RPS6KC1: variants seen among roughly 807,000 people sequenced by gnomAD.
The protein encoded by RPS6KC1 is inactive ribosomal protein S6 kinase delta-1.
RPS6KC1 carries 54 observed loss-of-function variants against 103.8 expected under a neutral mutation model. The observed-to-expected ratio is 0.52, with a 90% CI of 0.42 to 0.65. RPS6KC1 has a LOEUF of 0.65. Ranked by LOEUF, RPS6KC1 falls within the 30% of genes least tolerant of loss-of-function variation. RPS6KC1 has a pLI of 0.00. For missense variants in RPS6KC1, 1,151 were observed against 1,253.8 expected, an observed-to-expected ratio of 0.92 and a Z score of 1.24; for synonymous variants, 439 against 438.7, an observed-to-expected ratio of 1.00 and a Z score of -0.01.
At chr1:213,708,016 G>A in the RPS6KC1 span, among the ~76,000 whole-genome samples, 1 of 152,158 alleles carries the variant, frequency 6.6e-6, no homozygotes, top group Admixed American at 6.5e-5. Context: ...CATTGCCTTG[G>A]CTATACTGGC....
chr1:213,152,733 G>A (rs370439433), intron 6 of RPS6KC1, among the ~76,000 whole-genome samples: 4 of 151,842 alleles, frequency 2.6e-5, no homozygotes, highest in Non-Finnish European at 5.9e-5. Context: ...GCGGCCGGGC[G>A]GAGACGCTCC....
At chr1:213,118,038 A>AAAAAAAAAAAAAAAAAAAAAAAAAC (rs1558354181) in intron 5 of RPS6KC1, among the ~76,000 whole-genome samples, 1 of 149,158 alleles carries the variant, frequency 6.7e-6, no homozygotes, top group Non-Finnish European at 1.5e-5. Context: ...AAAAAAAAAA[A>AAAAAAAAAAAAAAAAAAAAAAAAAC]AGCCTTACTC....
the RPS6KC1 span, among the ~76,000 whole-genome samples, chr1:213,699,968 GT>G: frequency 6.6e-6 from 1 of 152,002 alleles, no homozygotes; most frequent in Non-Finnish European, 1.5e-5. Context: ...CAGATGAGTA[GT>G]TTGCAAATAT....
At chr1:213,208,651 C>T (rs2093421411) in intron 8 of RPS6KC1, among the ~76,000 whole-genome samples, 1 of 152,070 alleles carries the variant, frequency 6.6e-6, no homozygotes, top group Non-Finnish European at 1.5e-5. Flanking sequence ...TTAAGACCAG[C>T]ATCATTGTGG....
At chr1:213,396,277 T>C in the RPS6KC1 span, among the ~76,000 whole-genome samples, 3 of 152,144 alleles carry the variant, frequency 2.0e-5, no homozygotes, top group Admixed American at 1.3e-4. Flanking sequence ...TTAAATGAGA[T>C]AATGATGCCA....
chr1:213,680,660 C>T, the RPS6KC1 span, among the ~76,000 whole-genome samples: 3 of 151,844 alleles, frequency 2.0e-5, no homozygotes, highest in Non-Finnish European at 2.9e-5. Flanking sequence ...TCTTGGGGCT[C>T]GGGAGGGGGA....
the RPS6KC1 span, among the ~76,000 whole-genome samples, chr1:213,664,146 G>T: frequency 6.7e-6 from 1 of 150,138 alleles, no homozygotes; most frequent in African/African-American, 2.4e-5. Flanking sequence ...CTGATTGCTG[G>T]GTGATGTGGG....
intron 6 of RPS6KC1, among the ~76,000 whole-genome samples, chr1:213,152,123 G>C (rs1312245377): frequency 3.7e-5 from 5 of 135,208 alleles, no homozygotes; most frequent in African/African-American, 5.7e-5. Flanking sequence ...TTCCCAGTAG[G>C]GGCGGCCGGG....
chr1:213,634,647 C>A, the RPS6KC1 span, among the ~76,000 whole-genome samples: 2 of 152,014 alleles, frequency 1.3e-5, no homozygotes, highest in Non-Finnish European at 2.9e-5. Flanking sequence ...AAAATCAACA[C>A]CCTAACATCA....
chr1:213,085,133 A>C (rs899464061), intron 3 of RPS6KC1, among the ~76,000 whole-genome samples: 3 of 152,334 alleles, frequency 2.0e-5, no homozygotes, highest in Non-Finnish European at 4.4e-5. Flanking sequence ...CTCTCTTTTC[A>C]GAGGAGAGAC....
At chr1:213,283,750 A>C in the RPS6KC1 span, among the ~76,000 whole-genome samples, 2 of 152,208 alleles carry the variant, frequency 1.3e-5, no homozygotes, top group African/African-American at 4.8e-5. Flanking sequence ...AAAAGGGAAT[A>C]GTCTAGGGAC....
chr1:213,580,219 T>C, the RPS6KC1 span, among the ~76,000 whole-genome samples: 1 of 152,038 alleles, frequency 6.6e-6, no homozygotes, highest in Non-Finnish European at 1.5e-5. Context: ...GAAAAGTTGA[T>C]TCCAACACTC....
the RPS6KC1 span, among the ~76,000 whole-genome samples, chr1:213,798,439 G>T: frequency 1.3e-5 from 2 of 152,196 alleles, no homozygotes; most frequent in Non-Finnish European, 2.9e-5. Flanking sequence ...TATTGCAGAG[G>T]TGTGCTCTAC....
chr1:213,598,731 A>G, the RPS6KC1 span, among the ~76,000 whole-genome samples: 1 of 152,140 alleles, frequency 6.6e-6, no homozygotes, highest in Non-Finnish European at 1.5e-5. Context: ...TAGCCTGGCC[A>G]ACATGATGAA....
chr1:213,287,465 A>G, the RPS6KC1 span, among the ~76,000 whole-genome samples: 347 of 152,352 alleles, frequency 2.3e-3, 2 homozygotes, highest in Non-Finnish European at 4.1e-3. Flanking sequence ...GGATGTAGCA[A>G]GTGCCTCTTT....
chr1:213,785,056 G>T, the RPS6KC1 span, among the ~76,000 whole-genome samples: 8 of 152,154 alleles, frequency 5.3e-5, no homozygotes, highest in Non-Finnish European at 8.8e-5. Flanking sequence ...TTGCTCTGAT[G>T]TGTCATCACT....
the RPS6KC1 span, among the ~76,000 whole-genome samples, chr1:213,576,371 G>GTT: frequency 0.16 from 21,826 of 140,004 alleles, 1,751 homozygotes; most frequent in Middle Eastern, 0.18. Context: ...GATACTGTGG[G>GTT]TTTTTTTTTT....
intron 8 of RPS6KC1, among the ~76,000 whole-genome samples, chr1:213,186,143 G>A (rs1189997949): frequency 6.6e-6 from 1 of 151,168 alleles, no homozygotes; most frequent in Non-Finnish European, 1.5e-5. Flanking sequence ...GTTAACAGTA[G>A]TATAGGATTC....
At chr1:213,598,195 T>G in the RPS6KC1 span, among the ~76,000 whole-genome samples, 1 of 152,222 alleles carries the variant, frequency 6.6e-6, no homozygotes, top group African/African-American at 2.4e-5. Flanking sequence ...ACTCCTCTTT[T>G]GTATTTTCTA....
Sources: allele counts gnomAD v4.1 joint callset (sites outside exome capture counted in the v4.1 genomes callset), GRCh38; gene constraint gnomAD v4.1.1; transcripts MANE v1.5; gene names NCBI Gene and HGNC (gene_info 2026-07-23, HGNC 2026-07-21).